Variants in CCNY observed in about 807,000 individuals in gnomAD.
CCNY encodes the protein cyclin Y.
A neutral mutation model predicts 42.8 loss-of-function variants in CCNY; 19 were observed. The observed-to-expected ratio is 0.44, with a 90% CI of 0.31 to 0.65. The LOEUF is 0.65. Ranked by LOEUF, CCNY falls within the 30% of genes least tolerant of loss-of-function variation. The pLI, the probability that CCNY is intolerant of heterozygous loss-of-function variation, is 0.07. For synonymous variants in CCNY, 165 were observed against 162.7 expected (o/e 1.01, Z -0.11); for missense variants, 370 against 437.3 (o/e 0.85, Z 1.37).
chr10:35,426,751 A>G (rs1442744278), intron 1 of CCNY, among the ~76,000 whole-genome samples: 1 of 152,250 alleles, frequency 6.6e-6, no homozygotes, highest in East Asian at 1.9e-4. Flanking sequence ...ACTTGAGGCC[A>G]GAAGTCTTTC....
At chr10:35,252,761 G>T (rs555098336) in intron 3 of CCNY, among the ~76,000 whole-genome samples, 1 of 152,016 alleles carries the variant, frequency 6.6e-6, no homozygotes, top group East Asian at 1.9e-4. Flanking sequence ...GGTTCCAACT[G>T]CATTGTTGTC....
intron 7 of CCNY, among the ~76,000 whole-genome samples, chr10:35,539,406 A>G (rs1840950599): frequency 6.6e-6 from 1 of 152,214 alleles, no homozygotes; most frequent in East Asian, 1.9e-4. Context: ...CTAACATGGA[A>G]TATCTTTCTA....
At chr10:35,565,934 T>C in intron 8 of CCNY, 89 bp from the exon 9 acceptor site, 1 of 1,311,106 alleles carries the variant, frequency 7.6e-7, no homozygotes, top group Non-Finnish European at 1.1e-6. Context: ...TGCAGTTTTC[T>C]GGAGTCTGGT....
At chr10:35,522,036 C>G (rs1487520041) in intron 4 of CCNY, among the ~76,000 whole-genome samples, 2 of 152,122 alleles carry the variant, frequency 1.3e-5, no homozygotes, top group Non-Finnish European at 2.9e-5. Flanking sequence ...AATAGACAGC[C>G]CAGTACAATT....
At chr10:35,537,310 C>A (rs1193698062) in intron 7 of CCNY, among the ~76,000 whole-genome samples, 1 of 152,236 alleles carries the variant, frequency 6.6e-6, no homozygotes, top group African/African-American at 2.4e-5. Flanking sequence ...CAATGGAGAA[C>A]CTTTGCCAGG....
intron 1 of CCNY, among the ~76,000 whole-genome samples, chr10:35,374,055 T>C (rs1455160713): frequency 2.0e-5 from 3 of 152,120 alleles, no homozygotes; most frequent in African/African-American, 7.2e-5. Flanking sequence ...TTCATAACAT[T>C]TATAGCAAGA....
intron 2 of CCNY, among the ~76,000 whole-genome samples, chr10:35,499,185 A>G (rs1840061430): frequency 6.6e-6 from 1 of 152,174 alleles, no homozygotes; most frequent in African/African-American, 2.4e-5. Flanking sequence ...TGATAAAGAT[A>G]TACCCCAGAC....
At chr10:35,255,877 G>A (rs2095715128) in intron 3 of CCNY, among the ~76,000 whole-genome samples, 1 of 152,186 alleles carries the variant, frequency 6.6e-6, no homozygotes. Flanking sequence ...TTACAGGTGT[G>A]AGCCACTGCC....
chr10:35,459,707 T>G (rs1383250913), intron 1 of CCNY, among the ~76,000 whole-genome samples: 1 of 152,160 alleles, frequency 6.6e-6, no homozygotes, highest in Non-Finnish European at 1.5e-5. Context: ...CTCCACCAGC[T>G]CAGCCCCTGT....
intron 1 of CCNY, among the ~76,000 whole-genome samples, chr10:35,386,528 C>G (rs1354131784): frequency 6.6e-6 from 1 of 152,138 alleles, no homozygotes. Flanking sequence ...ATGTCAGTTT[C>G]CATTATAAAA....
chr10:35,348,636 T>C lies in CCNY; in HGVS notation c.154+11429T>C, dbSNP rs1309015148. ...GTGGGATGAGTCAGGGAGGACCCCATTGCAAGATAGCAGGGCTCTGAAAGC... is the reference window on the plus strand; with the variant it reads ...GTGGGATGAGTCAGGGAGGACCCCACTGCAAGATAGCAGGGCTCTGAAAGC... On this transcript the variant is annotated intron_variant, in intron 1 of 9. Transcript: ENST00000374704. Among the ~76,000 whole-genome samples the C allele has an allele frequency of 4.6e-5, 7 of 152,324 alleles. No homozygotes were observed. The South Asian group carries it at 1.0e-3, about 23-fold the overall frequency.
rs188624424 is a variant in CCNY at position 35,303,013 on chromosome 10, T to C, written c.-9+52387T>C. Among the ~76,000 whole-genome samples the C allele has an allele frequency of 2.0e-4, 30 of 152,162 alleles. No individual in the cohort carries two copies. In the East Asian group the frequency reaches 4.8e-3, roughly 25 times the overall value. ...GAATTCCAGACCAGCTTGGGAAACA[T>C]AGTGAGACCCTGTCTCTACAAAAAT... On this transcript the variant is annotated intron_variant, in intron 3 of 11. Transcript: ENST00000374706.
intron 1 of CCNY, among the ~76,000 whole-genome samples, chr10:35,442,481 A>T (rs1040360844): frequency 6.6e-6 from 1 of 152,200 alleles, no homozygotes; most frequent in East Asian, 1.9e-4. Context: ...GATAGGAGGT[A>T]CTTTGTTGGG....
chr10:35,411,047 C>T (rs1176616633), intron 1 of CCNY, among the ~76,000 whole-genome samples: 1 of 152,124 alleles, frequency 6.6e-6, no homozygotes, highest in African/African-American at 2.4e-5. Flanking sequence ...TTAACTCGGA[C>T]AGTTGTCTTT....
At chr10:35,293,579 C>T (rs968018278) in intron 3 of CCNY, among the ~76,000 whole-genome samples, 2 of 152,122 alleles carry the variant, frequency 1.3e-5, no homozygotes, top group Non-Finnish European at 2.9e-5. Flanking sequence ...CAATATTAAA[C>T]CTTCCAGTCT....
chr10:35,441,581 C>T (rs1838670134), intron 1 of CCNY, among the ~76,000 whole-genome samples: 1 of 152,026 alleles, frequency 6.6e-6, no homozygotes, highest in South Asian at 2.1e-4. Context: ...CTCATCTCAA[C>T]TAAAAATAAA....
intron 3 of CCNY, among the ~76,000 whole-genome samples, chr10:35,328,270 A>G (rs1835901830): frequency 6.6e-6 from 1 of 152,162 alleles, no homozygotes; most frequent in South Asian, 2.1e-4. Context: ...GTACCATAGC[A>G]AGCAAAGCTA....
chr10:35,375,873 A>G (rs931528649), intron 1 of CCNY, among the ~76,000 whole-genome samples: 1 of 152,180 alleles, frequency 6.6e-6, no homozygotes, highest in Non-Finnish European at 1.5e-5. Context: ...AGAGGGAGAG[A>G]AGACACACTG....
chr10:35,464,475 G>A (rs1356857571), intron 1 of CCNY, among the ~76,000 whole-genome samples: 1 of 151,648 alleles, frequency 6.6e-6, no homozygotes, highest in Non-Finnish European at 1.5e-5. Context: ...TAACTCCCTG[G>A]TTCTCTGGGG....
Sources: allele counts gnomAD v4.1 joint callset (sites outside exome capture counted in the v4.1 genomes callset), GRCh38; gene constraint gnomAD v4.1.1; transcripts MANE v1.5; gene names NCBI Gene and HGNC (gene_info 2026-07-23, HGNC 2026-07-21).